Variants in TNKS observed in about 807,000 individuals in gnomAD.
The protein encoded by TNKS is poly [ADP-ribose] polymerase tankyrase-1.
Under a neutral mutation model 135.8 loss-of-function variants are expected in TNKS, and 72 were observed. That is an observed-to-expected ratio of 0.53 (90% CI 0.44 to 0.64). The LOEUF is 0.64. Among genes scored for constraint, TNKS ranks in the 30% least tolerant of loss-of-function variants. The pLI is 0.00. For missense variants in TNKS, 1,769 were observed against 1,674.0 expected (o/e 1.06, Z -0.99); for synonymous variants, 849 against 649.3 (o/e 1.31, Z -4.68).
chr8:9,572,066 A>G (rs1194328352), intron 1 of TNKS, among the ~76,000 whole-genome samples: 1 of 152,224 alleles, frequency 6.6e-6, no homozygotes, highest in Admixed American at 6.5e-5. Context: ...GAGACAGGAT[A>G]GATTTGTACT....
At position 9,728,717 on chromosome 8, in the gene TNKS, C is replaced by A. The variant is rs140071858; in HGVS notation, c.2001+1997C>A. 1.8e-3 allele frequency among the ~76,000 whole-genome samples: 281 copies of A among 152,064 alleles called. 1 individual carries two copies. The highest frequency in any genetic ancestry group is 6.7e-3 in the African/African-American group (279 of 41,452). The stretch of plus-strand genomic sequence containing the variant: ...TTATGCTGTTTATATATTAATATAG[C>A]CACAGACTCATTTGTCATGAAAAGA... On this transcript the variant is annotated intron_variant, in intron 13 of 26. Coordinates refer to ENST00000310430, the MANE Select transcript of TNKS (RefSeq NM_003747.3).
chr8:9,655,932 A>T (rs564077351), intron 3 of TNKS, among the ~76,000 whole-genome samples: 109 of 152,328 alleles, frequency 7.2e-4, no homozygotes, highest in African/African-American at 2.6e-3. Flanking sequence ...GCTTCAGAAG[A>T]TCAAACTATT....
intron 3 of TNKS, among the ~76,000 whole-genome samples, chr8:9,650,918 G>C (rs7837344): frequency 0.073 from 11,147 of 152,138 alleles, 437 homozygotes; most frequent in South Asian, 0.16. Flanking sequence ...GAGTTTTTCT[G>C]ATGTTATTTT....
intron 2 of TNKS, among the ~76,000 whole-genome samples, chr8:9,584,903 C>T (rs911385962): frequency 2.6e-5 from 4 of 152,128 alleles, no homozygotes; most frequent in African/African-American, 9.7e-5. Flanking sequence ...GTATGGTGTT[C>T]CAACGCATGT....
chr8:9,683,583 T>G (rs1175393945), intron 5 of TNKS, among the ~76,000 whole-genome samples: 1 of 151,934 alleles, frequency 6.6e-6, no homozygotes, highest in Non-Finnish European at 1.5e-5. Context: ...CCCATGAAAA[T>G]GTTAATTTTG....
intron 3 of TNKS, among the ~76,000 whole-genome samples, chr8:9,642,757 A>C (rs747143672): frequency 1.4e-5 from 2 of 146,044 alleles, no homozygotes; most frequent in Non-Finnish European, 3.0e-5. Context: ...TAAAAACATG[A>C]CACCTCTTTT....
At chr8:9,701,646 A>G (rs1457567072) in intron 5 of TNKS, among the ~76,000 whole-genome samples, 1 of 152,244 alleles carries the variant, frequency 6.6e-6, no homozygotes, top group African/African-American at 2.4e-5. Flanking sequence ...ATTGAGCATC[A>G]GGCAGTACAT....
chr8:9,605,276 C>G (rs549059658), intron 2 of TNKS, among the ~76,000 whole-genome samples: 2 of 152,074 alleles, frequency 1.3e-5, no homozygotes, highest in African/African-American at 4.8e-5. Context: ...TGTCTGGCTT[C>G]TTTTGCTCAT....
chr8:9,567,619 G>T (rs889993947), intron 1 of TNKS, among the ~76,000 whole-genome samples: 3 of 152,170 alleles, frequency 2.0e-5, no homozygotes, highest in African/African-American at 4.8e-5. Flanking sequence ...GGGTTTCACC[G>T]TGTTAGCGAG....
rs757939576 is a variant in TNKS at position 9,776,951 on chromosome 8, G to A, written c.*215G>A. The A allele has an allele frequency of 5.1e-5, 25 of 492,552 alleles. No individual in the cohort carries two copies. The highest frequency in any genetic ancestry group is 9.6e-5 in the African/African-American group (5 of 51,856). 30.5% of individuals were successfully genotyped at this position (492,552 alleles called of 1,614,324 possible). A position where few individuals can be genotyped will look rare whatever the true frequency, so the allele number is the denominator to read the frequency against. ...CCTTTGAGGAAATGTTTACAGGGGC[G>A]GCCTTTTAACATATCTCAGGCTCAT... On this transcript the variant is annotated 3_prime_UTR_variant, in exon 27 of 27. Coordinates refer to ENST00000310430, the MANE Select transcript of TNKS (RefSeq NM_003747.3).
intron 2 of TNKS, among the ~76,000 whole-genome samples, chr8:9,614,150 T>A (rs899214635): frequency 2.0e-5 from 3 of 152,238 alleles, no homozygotes; most frequent in African/African-American, 7.2e-5. Flanking sequence ...AATTTCTTCC[T>A]GGTATTAAAA....
At position 9,651,610 on chromosome 8, in the gene TNKS, T is replaced by G. The variant is rs1427727731; in HGVS notation, c.995-28341T>G. ...TGGATACTCTCAAGAAATAGTGCAA[T>G]TCAGTAGTTCAGAAATATCTGTTCG... is the stretch of plus-strand genomic sequence containing the variant. On this transcript the variant is annotated intron_variant, in intron 3 of 26. Transcript: ENST00000310430. Among the ~76,000 whole-genome samples the G allele has an allele frequency of 2.0e-5, 3 of 152,168 alleles. No individual in the cohort carries two copies. The East Asian group carries it at 5.8e-4, about 29-fold the overall frequency.
chr8:9,562,022 G>T (rs965975179), intron 1 of TNKS, among the ~76,000 whole-genome samples: 1 of 152,040 alleles, frequency 6.6e-6, no homozygotes, highest in Non-Finnish European at 1.5e-5. Context: ...TCACCATGTT[G>T]ACCAGGCTGG....
intron 2 of TNKS, among the ~76,000 whole-genome samples, chr8:9,607,797 G>C (rs1221909697): frequency 6.6e-6 from 1 of 152,044 alleles, no homozygotes; most frequent in African/African-American, 2.4e-5. Context: ...GAAATCTAAT[G>C]GTCAATATTT....
intron 3 of TNKS, among the ~76,000 whole-genome samples, chr8:9,643,872 G>C (rs1239742000): frequency 6.6e-6 from 1 of 152,166 alleles, no homozygotes; most frequent in East Asian, 1.9e-4. Context: ...AAGCAACCCA[G>C]GTGTCCATCA....
In TNKS at chr8:9,645,070, G is replaced by C. The variant is rs1002073857; in HGVS notation, c.994+29393G>C. ...TATTACACAAAGTTAAACCAGATGG[G>C]ACTGGTTCTGTGGTTGCAGAAAGTT... is the stretch of plus-strand genomic sequence containing the variant. On this transcript the variant is annotated intron_variant, in intron 3 of 26. Transcript: ENST00000310430. 3.9e-5 allele frequency among the ~76,000 whole-genome samples: 6 copies of C among 152,218 alleles called. No homozygotes were observed. The East Asian group carries it at 1.2e-3, about 29-fold the overall frequency.
At chr8:9,680,554 A>G (rs1802738859) in intron 4 of TNKS, among the ~76,000 whole-genome samples, 171 bp from the exon 5 acceptor site, 1 of 152,198 alleles carries the variant, frequency 6.6e-6, no homozygotes, top group Non-Finnish European at 1.5e-5. Context: ...ATTAACAGGA[A>G]TTAATTAGAA....
intron 1 of TNKS, among the ~76,000 whole-genome samples, chr8:9,576,312 A>G (rs1797942070): frequency 6.6e-6 from 1 of 152,062 alleles, no homozygotes. Context: ...TGAATAAAAG[A>G]GTTTTAATTG....
At chr8:9,654,251 C>T (rs1387695405) in intron 3 of TNKS, among the ~76,000 whole-genome samples, 1 of 152,202 alleles carries the variant, frequency 6.6e-6, no homozygotes, top group African/African-American at 2.4e-5. Context: ...CTGGAAGATT[C>T]TAACAGGCAT....
Sources: gnomAD v4.1 joint callset for allele counts (sites outside exome capture counted in the v4.1 genomes callset) on GRCh38, gnomAD v4.1.1 for gene constraint, MANE v1.5 for transcripts, NCBI Gene and HGNC (gene_info 2026-07-23, HGNC 2026-07-21) for gene names.